Variants in EXOC4 observed in about 807,000 individuals in gnomAD.
EXOC4 encodes SEC8-like 1.
Under a neutral mutation model 107.2 loss-of-function variants are expected in EXOC4, and 71 were observed. That is an observed-to-expected ratio of 0.66 (90% CI 0.55 to 0.81). The LOEUF is 0.81. Ranked by LOEUF, EXOC4 falls within the 30% of genes least tolerant of loss-of-function variation. The probability of loss-of-function intolerance (pLI) is 0.00; values close to 1 mark genes in which losing one functional copy is unlikely to be tolerated. For missense variants in EXOC4, 1,108 were observed against 1,189.6 expected (o/e 0.93, Z 1.01); for synonymous variants, 456 against 441.2 (o/e 1.03, Z -0.42).
chr7:133,922,663 C>T (rs566772330), intron 13 of EXOC4, among the ~76,000 whole-genome samples: 42 of 152,090 alleles, frequency 2.8e-4, no homozygotes, highest in Admixed American at 1.0e-3. Flanking sequence ...TTGCCTAACA[C>T]GGTGAAACCC....
intron 7 of EXOC4, among the ~76,000 whole-genome samples, chr7:133,416,156 C>G (rs1320400485): frequency 2.0e-5 from 3 of 152,132 alleles, no homozygotes; most frequent in Non-Finnish European, 2.9e-5. Flanking sequence ...AATATATGCT[C>G]TATGAGAAAA....
chr7:133,979,057 G>C (rs1414416763), intron 14 of EXOC4, among the ~76,000 whole-genome samples: 1 of 152,158 alleles, frequency 6.6e-6, no homozygotes, highest in African/African-American at 2.4e-5. Context: ...CAAGTCTCCT[G>C]TGGTAGTAAA....
intron 13 of EXOC4, among the ~76,000 whole-genome samples, chr7:133,932,590 C>G (rs1295864477): frequency 6.6e-6 from 1 of 152,184 alleles, no homozygotes; most frequent in East Asian, 1.9e-4. Context: ...ATTTCCTTGC[C>G]AAACCATTCA....
At chr7:134,100,287 CCTGG>C in the EXOC4 span, among the ~76,000 whole-genome samples, 2 of 80,242 alleles carry the variant, frequency 2.5e-5, no homozygotes, top group Non-Finnish European at 6.4e-5. Context: ...AGGGAAGAGG[CCTGG>C]AACAGCTCCT....
intron 9 of EXOC4, among the ~76,000 whole-genome samples, chr7:133,498,534 G>A (rs1799521172): frequency 6.6e-6 from 1 of 152,130 alleles, no homozygotes; most frequent in South Asian, 2.1e-4. Context: ...GCAGTGAGCC[G>A]AGATCATGCT....
chr7:133,322,146 A>G (rs535033188), intron 5 of EXOC4, among the ~76,000 whole-genome samples: 3 of 152,270 alleles, frequency 2.0e-5, no homozygotes, highest in Non-Finnish European at 4.4e-5. Context: ...TAGATTGCAA[A>G]AATTGTCTCC....
intron 11 of EXOC4, among the ~76,000 whole-genome samples, chr7:133,863,151 A>G (rs1798569762): frequency 6.6e-6 from 1 of 152,192 alleles, no homozygotes; most frequent in Non-Finnish European, 1.5e-5. Flanking sequence ...CTTTAAAAAG[A>G]AATCAGTGGA....
intron 7 of EXOC4, among the ~76,000 whole-genome samples, chr7:133,428,407 C>T (rs1797775685): frequency 6.6e-6 from 1 of 152,188 alleles, no homozygotes; most frequent in Non-Finnish European, 1.5e-5. Context: ...ATTTGTTATT[C>T]CAGTAGCCAT....
intron 17 of EXOC4, among the ~76,000 whole-genome samples, chr7:134,048,287 T>C (rs1343912128): frequency 6.6e-6 from 1 of 152,208 alleles, no homozygotes; most frequent in East Asian, 1.9e-4. Flanking sequence ...GCCATAATTT[T>C]GAATCTTGTA....
chr7:133,514,943 T>A (rs1799844350), intron 9 of EXOC4, among the ~76,000 whole-genome samples: 1 of 152,170 alleles, frequency 6.6e-6, no homozygotes, highest in African/African-American at 2.4e-5. Flanking sequence ...TAGTCTGAAC[T>A]TTTTTGTTGC....
chr7:133,484,560 A>G (rs1298032902), intron 9 of EXOC4, among the ~76,000 whole-genome samples: 1 of 152,136 alleles, frequency 6.6e-6, no homozygotes, highest in Non-Finnish European at 1.5e-5. Flanking sequence ...AAAACAAAAA[A>G]CAATCTAAAG....
intron 10 of EXOC4, among the ~76,000 whole-genome samples, chr7:133,653,848 A>G (rs868668544): frequency 2.3e-4 from 35 of 152,314 alleles, no homozygotes; most frequent in Middle Eastern, 3.4e-3. Context: ...TTTTATGAGT[A>G]CGAGAACAGG....
At chr7:133,449,006 G>T (rs749737650) in intron 7 of EXOC4, among the ~76,000 whole-genome samples, 1 of 152,200 alleles carries the variant, frequency 6.6e-6, no homozygotes, top group East Asian at 1.9e-4. Context: ...TCAGTAGGAG[G>T]CTGAGGCATT....
intron 7 of EXOC4, among the ~76,000 whole-genome samples, chr7:133,410,819 A>G (rs1477188162): frequency 1.3e-5 from 2 of 152,210 alleles, no homozygotes; most frequent in African/African-American, 2.4e-5. Context: ...TTTAAAAATA[A>G]TGTCACATCT....
At chr7:133,762,776 G>T (rs373448052) in intron 10 of EXOC4, among the ~76,000 whole-genome samples, 1 of 152,028 alleles carries the variant, frequency 6.6e-6, no homozygotes, top group African/African-American at 2.4e-5. Context: ...AATATAAGAA[G>T]TGAATAATTT....
intron 4 of EXOC4, among the ~76,000 whole-genome samples, chr7:133,316,888 A>G (rs370421292): frequency 8.5e-5 from 13 of 152,188 alleles, no homozygotes; most frequent in Non-Finnish European, 1.5e-4. Context: ...GTATCATGGC[A>G]TGTTGTCATT....
intron 9 of EXOC4, among the ~76,000 whole-genome samples, chr7:133,590,638 G>A (rs1801519506): frequency 6.6e-6 from 1 of 152,146 alleles, no homozygotes; most frequent in African/African-American, 2.4e-5. Context: ...TCAGAGGGAC[G>A]GCTTGATGGC....
At chr7:133,959,936 A>G (rs1239793488) in intron 14 of EXOC4, among the ~76,000 whole-genome samples, 1 of 152,198 alleles carries the variant, frequency 6.6e-6, no homozygotes, top group East Asian at 1.9e-4. Context: ...CTTATCTTCC[A>G]TGCAGTCTTC....
intron 7 of EXOC4, among the ~76,000 whole-genome samples, chr7:133,471,045 A>T (rs1798863035): frequency 6.6e-6 from 1 of 152,194 alleles, no homozygotes; most frequent in African/African-American, 2.4e-5. Flanking sequence ...AAGACTGTGT[A>T]GTAGAAGATT....
Sources: gnomAD v4.1 joint callset for allele counts (sites outside exome capture counted in the v4.1 genomes callset) on GRCh38, gnomAD v4.1.1 for gene constraint, MANE v1.5 for transcripts, NCBI Gene and HGNC (gene_info 2026-07-23, HGNC 2026-07-21) for gene names.